ELSPBP1: variants seen among roughly 807,000 people sequenced by gnomAD.
The protein encoded by ELSPBP1 is epididymal sperm-binding protein 1.
In ELSPBP1, 38 loss-of-function variants were observed where a neutral mutation model predicts 33.3. That is an observed-to-expected ratio of 1.14 (90% confidence interval 0.88 to 1.50). ELSPBP1 has a LOEUF of 1.50. Among genes scored for constraint, ELSPBP1 ranks in the 40% most tolerant of loss-of-function variants. ELSPBP1 has a pLI of 0.00. For synonymous variants in ELSPBP1, 85 were observed against 94.1 expected, an observed-to-expected ratio of 0.90 and a Z score of 0.56; for missense variants, 267 against 263.5, an observed-to-expected ratio of 1.01 and a Z score of -0.09.
intron 3 of ELSPBP1, 110 bp downstream of exon 3, chr19:48,014,418 AC>A (rs1967110055): frequency 8.2e-7 from 1 of 1,222,914 alleles, no homozygotes; most frequent in South Asian, 1.6e-5. Flanking sequence ...AAACGGTAAT[AC>A]GTATGCGTGC....
In ELSPBP1 at chr19:48,011,375, A is replaced by G. The variant is rs1967076554; in HGVS notation, c.70+2638A>G. Among the ~76,000 whole-genome samples the G allele has an allele frequency of 6.6e-6, 1 of 150,608 alleles. No homozygotes were observed. Among genetic ancestry groups the G allele is most frequent in the Admixed American group, 6.6e-5 (1 of 15,134 alleles). Reference sequence around the variant, plus strand: ...TGACGATGATGATGATGATGGTGACAATGATGATGACGATGATAATGATGA... The same window carrying G: ...TGACGATGATGATGATGATGGTGACGATGATGATGACGATGATAATGATGA... On this transcript the variant is annotated intron_variant, in intron 2 of 6. Coordinates refer to ENST00000339841, the MANE Select transcript of ELSPBP1 (RefSeq NM_022142.5). This position sits in a 1 kb window ranked among gnomAD's most constrained non-coding sequence, Gnocchi z 4.5.
At chr19:48,000,482 G>C (rs575955014) in intron 1 of ELSPBP1, among the ~76,000 whole-genome samples, 82 of 149,644 alleles carry the variant, frequency 5.5e-4, no homozygotes, top group Non-Finnish European at 7.6e-4. Context: ...CTTGTGATTC[G>C]CCCTCCTCGG....
At chr19:48,001,012 G>T (rs1364026104) in intron 1 of ELSPBP1, among the ~76,000 whole-genome samples, 1 of 152,166 alleles carries the variant, frequency 6.6e-6, no homozygotes, top group Admixed American at 6.5e-5. Context: ...TACCAGCCAG[G>T]CTGCATTCCT....
intron 6 of ELSPBP1, among the ~76,000 whole-genome samples, chr19:48,023,868 TTTTA>T (rs1215264460): frequency 6.6e-6 from 1 of 151,810 alleles, no homozygotes; most frequent in Non-Finnish European, 1.5e-5. Context: ...TTTTTCTTTA[TTTTA>T]TTTATTTATT....
In ELSPBP1 at chr19:48,019,749, G is replaced by T. The variant is rs1348929531; in HGVS notation, c.386G>T (p.Cys129Phe). The T allele has an allele frequency of 6.2e-7, 1 of 1,613,968 alleles. No individual in the cohort carries two copies. The highest frequency in any genetic ancestry group is 1.3e-5 in the African/African-American group (1 of 75,020). ...EYGGNSLRKPCIFPSIYRNNV... is the reference protein window; with the variant it reads ...EYGGNSLRKPFIFPSIYRNNV... ...GGGGGAAATTCTCTCAGGAAGCCCT[G>T]CATCTTCCCCTCCATCTACAGAAAT... Residue 129 changes from cysteine (C) to phenylalanine (F), a missense_variant, in exon 5 of 7, where the codon TGC becomes TTC. Coordinates refer to ENST00000339841, the MANE Select transcript of ELSPBP1 (RefSeq NM_022142.5).
At chr19:48,005,830 G>A (rs1967012019) in intron 1 of ELSPBP1, among the ~76,000 whole-genome samples, 1 of 152,164 alleles carries the variant, frequency 6.6e-6, no homozygotes, top group Non-Finnish European at 1.5e-5. Flanking sequence ...TCAGCAAGGT[G>A]CTTAAGCTTA....
At chr19:48,005,587 T>C (rs190259365) in intron 1 of ELSPBP1, among the ~76,000 whole-genome samples, 8 of 152,356 alleles carry the variant, frequency 5.3e-5, no homozygotes, top group African/African-American at 1.9e-4. Flanking sequence ...GAAGGACATC[T>C]AGGTGGACAT....
chr19:47,998,393 AGAGT>A (rs1388906513), intron 1 of ELSPBP1, among the ~76,000 whole-genome samples: 1 of 151,980 alleles, frequency 6.6e-6, no homozygotes, highest in East Asian at 1.9e-4. Context: ...CCTGAGTGAC[AGAGT>A]GAGACTCCAT....
At chr19:48,021,286 G>A (rs1464762973) in intron 5 of ELSPBP1, among the ~76,000 whole-genome samples, 5 of 152,120 alleles carry the variant, frequency 3.3e-5, no homozygotes, top group African/African-American at 4.8e-5. Flanking sequence ...GTGCTCTTTC[G>A]GCTCATTTCA....
In ELSPBP1 at chr19:48,022,156, C is replaced by G; in HGVS notation, c.515-14C>G. ...TGAGGAGTAACCTTTGTTTTATCCC[C>G]TTCTGCTTCCTAGGAATTTCCGCGT... On this transcript the variant is annotated splice_polypyrimidine_tract_variant and intron_variant, in intron 5 of 6. Transcript: ENST00000339841. 1 of 1,606,616 alleles carries G rather than the reference C, an allele frequency of 6.2e-7. No homozygotes were observed. The highest frequency in any genetic ancestry group is 8.5e-7 in the Non-Finnish European group (1 of 1,176,308).
intron 6 of ELSPBP1, among the ~76,000 whole-genome samples, chr19:48,023,485 AGGGAGGGAGGGAAGGAAAAG>A (rs1967230963): frequency 4.0e-5 from 2 of 50,380 alleles, no homozygotes; most frequent in African/African-American, 4.3e-5. Flanking sequence ...GGAGGAGGGA[AGGGAGGGAGGGAAGGAAAAG>A]AGGAAGGAAA....
chr19:48,003,539 C>CTTTTTTTTTTTTTTT (rs34961390), intron 1 of ELSPBP1, among the ~76,000 whole-genome samples: 1 of 138,890 alleles, frequency 7.2e-6, no homozygotes. Flanking sequence ...CACCCCTGCT[C>CTTTTTTTTTTTTTTT]TTTTTTTTTT....
chr19:48,001,713 C>CT (rs1006812325), intron 1 of ELSPBP1, among the ~76,000 whole-genome samples: 135 of 144,946 alleles, frequency 9.3e-4, no homozygotes, highest in Middle Eastern at 7.2e-3. Flanking sequence ...AGTTTTCTTT[C>CT]TTTTTTTTTT....
chr19:47,996,529 G>A (rs1665940264), intron 1 of ELSPBP1, among the ~76,000 whole-genome samples: 1 of 152,116 alleles, frequency 6.6e-6, no homozygotes, highest in African/African-American at 2.4e-5. Flanking sequence ...AGAATGGGTG[G>A]AAGGATGAAT....
At chr19:47,996,897 C>T (rs1966917201) in intron 1 of ELSPBP1, among the ~76,000 whole-genome samples, 1 of 152,150 alleles carries the variant, frequency 6.6e-6, no homozygotes, top group Non-Finnish European at 1.5e-5. Flanking sequence ...TTATCATCAT[C>T]ATCATCGTCA....
intron 1 of ELSPBP1, among the ~76,000 whole-genome samples, chr19:48,006,783 G>A (rs1001735873): frequency 6.6e-6 from 1 of 152,100 alleles, no homozygotes; most frequent in Non-Finnish European, 1.5e-5. Flanking sequence ...CAAAGAGAAT[G>A]AGAGTCCTTC....
chr19:48,011,123 GTGA>G lies in ELSPBP1; in HGVS notation c.70+2396_70+2398del, dbSNP rs141670933. Reference sequence around the variant, plus strand: ...GACAATGACAATGATGATGGTGACAGTGATGATGATGACGATGATGATAATGAT... The same window carrying G: ...GACAATGACAATGATGATGGTGACAGTGATGATGACGATGATGATAATGAT... On this transcript the variant is annotated intron_variant, in intron 2 of 6. Transcript: ENST00000339841. The surrounding 1 kb of genome is among the most constrained non-coding windows in gnomAD (Gnocchi z 4.5). 0.17 allele frequency among the ~76,000 whole-genome samples: 25,443 copies of G among 151,798 alleles called. 2,189 individuals are homozygous for G. Among genetic ancestry groups the G allele is most frequent in the South Asian group, 0.23 (1,088 of 4,798 alleles).
chr19:48,012,845 AAT>A (rs1234567837), intron 2 of ELSPBP1, among the ~76,000 whole-genome samples: 2 of 152,208 alleles, frequency 1.3e-5, no homozygotes, highest in Non-Finnish European at 2.9e-5. Context: ...TCAGTATTAT[AAT>A]ATAAAAAAGC....
At chr19:48,004,750 T>C (rs1046759560) in intron 1 of ELSPBP1, among the ~76,000 whole-genome samples, 3 of 152,230 alleles carry the variant, frequency 2.0e-5, no homozygotes, top group Non-Finnish European at 4.4e-5. Context: ...TTTCTTCGCT[T>C]CATATCTGTC....
Sources: allele counts gnomAD v4.1 joint callset (sites outside exome capture counted in the v4.1 genomes callset), GRCh38; gene constraint gnomAD v4.1.1; non-coding constraint Gnocchi (gnomAD v3.1); transcripts MANE v1.5; gene names NCBI Gene and HGNC (gene_info 2026-07-23, HGNC 2026-07-21).